ZCCHC2: variants seen among roughly 807,000 people sequenced by gnomAD.
The protein encoded by ZCCHC2 is zinc finger CCHC domain-containing protein 2.
Under a neutral mutation model 103.6 loss-of-function variants are expected in ZCCHC2, and 39 were observed. The ratio of observed to expected loss-of-function variants is 0.38; its 90% CI spans 0.29 to 0.49. ZCCHC2 has a LOEUF of 0.49. Among genes scored for constraint, ZCCHC2 ranks in the 20% least tolerant of loss-of-function variants. ZCCHC2 has a pLI of 0.96. For synonymous variants in ZCCHC2, 687 were observed against 608.9 expected (o/e 1.13, Z -1.89); for missense variants, 1,483 against 1,491.0 (o/e 0.99, Z 0.09).
At chr18:62,550,110 G>A (rs182722097) in intron 4 of ZCCHC2, among the ~76,000 whole-genome samples, 1 of 152,294 alleles carries the variant, frequency 6.6e-6, no homozygotes, top group Admixed American at 6.5e-5. Context: ...TGAATGCTGT[G>A]GGTCGCCCTG....
At chr18:62,565,150 ATACT>A (rs57164502) in intron 11 of ZCCHC2, 54 bp downstream of exon 11, 238,202 of 1,283,724 alleles carry the variant, frequency 0.19, 26,161 homozygotes, top group Non-Finnish European at 0.22. Context: ...ATTCAGCATG[ATACT>A]TACTGTATTA....
chr18:62,537,312 C>T (rs775676223), intron 1 of ZCCHC2, among the ~76,000 whole-genome samples: 2 of 151,984 alleles, frequency 1.3e-5, no homozygotes, highest in African/African-American at 2.4e-5. Flanking sequence ...ACTACAGGCA[C>T]ATACCACCAC....
Position 62,524,112 on chromosome 18 carries a change from G to C in ZCCHC2, c.688G>C (p.Asp230His), listed in dbSNP as rs1478640874. ...ERGEDGDGEQ[D>H]AEKDGSGPEG... is the part of the protein sequence containing the mutation. ...CGGCGAGGACGGCGACGGCGAGCAG[G>C]ACGCCGAGAAGGACGGCTCAGGCCC... The change falls in exon 1 of 14, where the codon GAC becomes CAC. Residue 230 changes from aspartate to histidine, a missense_variant. By Grantham distance (81) the Asp-to-His change is moderately conservative. Coordinates refer to ENST00000269499, the MANE Select transcript of ZCCHC2 (RefSeq NM_017742.6). The C allele has an allele frequency of 1.3e-6, 2 of 1,525,700 alleles. No individual in the cohort carries two copies. Among genetic ancestry groups the C allele is most frequent in the Admixed American group, 2.0e-5 (1 of 48,968 alleles). The allele number at this position is 1,525,700 out of a possible 1,614,324, so 94.5% of individuals were successfully genotyped here.
intron 2 of ZCCHC2, among the ~76,000 whole-genome samples, chr18:62,540,885 T>C (rs992346697): frequency 1.3e-5 from 2 of 152,216 alleles, no homozygotes; most frequent in Non-Finnish European, 2.9e-5. Flanking sequence ...ACCTTGATTC[T>C]GGTAGCCAAC....
intron 2 of ZCCHC2, among the ~76,000 whole-genome samples, chr18:62,541,487 T>TC (rs1363462160): frequency 6.6e-6 from 1 of 152,168 alleles, no homozygotes; most frequent in Non-Finnish European, 1.5e-5. Flanking sequence ...TTTAACTTCT[T>TC]CCTCTAAGGC....
In ZCCHC2 at chr18:62,524,036, C is replaced by T. The variant is rs967879118; in HGVS notation, c.612C>T (p.Ser204=). 6.3e-5 allele frequency: 92 copies of T among 1,466,920 alleles called. No individual in the cohort carries two copies. The highest frequency in any genetic ancestry group is 9.7e-5 in the South Asian group (7 of 72,282). The allele number at this position is 1,466,920 out of a possible 1,614,324, so 90.9% of individuals were successfully genotyped here. A position where few individuals can be genotyped will look rare whatever the true frequency, so the allele number is the denominator to read the frequency against. The change falls in exon 1 of 14, where the codon AGC becomes AGT. Residue 204 remains serine, a synonymous_variant. Coordinates refer to ENST00000269499, the MANE Select transcript of ZCCHC2 (RefSeq NM_017742.6). ...LLPQVDSVLK[S]LRAARGEGSR... is the part of the protein sequence containing the mutation. ...CCCAGGTGGACTCGGTGCTCAAAAG[C>T]CTGCGCGCGGCCCGGGGCGAGGGCT...
At position 62,523,757 on chromosome 18, in the gene ZCCHC2, C is replaced by T. The variant is rs1598919757; in HGVS notation, c.333C>T (p.Arg111=). The change falls in exon 1 of 14, where the codon CGC becomes CGT. Residue 111 remains arginine, a synonymous_variant. Transcript: ENST00000269499. ...WFGLVLGSAQ[R]LEFMCGLLDL... ...GGCTGGTGCTGGGCTCGGCGCAGCG[C>T]CTGGAGTTCATGTGCGGGCTGCTGG... The T allele has an allele frequency of 1.0e-5, 16 of 1,532,278 alleles. No individual in the cohort carries two copies. Among genetic ancestry groups the T allele is most frequent in the African/African-American group, 2.8e-5 (2 of 72,024 alleles). 94.9% of individuals were successfully genotyped at this position (1,532,278 alleles called of 1,614,324 possible).
At position 62,576,578 on chromosome 18, in the gene ZCCHC2, G is replaced by A. The variant is rs772313792; in HGVS notation, c.3536G>A (p.Ter1179=). The change falls in exon 14 of 14, where the codon TGA becomes TAA. Residue 1179 remains the stop codon, a stop_retained_variant. Transcript: ENST00000269499. ...PSNDTLDSAD[*] ...AATGATACGTTGGATTCTGCAGACTGAAACGAGTAAAGCTTGCCTACTTAA... is the reference window on the plus strand; with the variant it reads ...AATGATACGTTGGATTCTGCAGACTAAAACGAGTAAAGCTTGCCTACTTAA... 6.2e-7 allele frequency: 1 copy of A among 1,613,420 alleles called. No individual in the cohort carries two copies. The highest frequency in any genetic ancestry group is 1.3e-5 in the African/African-American group (1 of 74,916).
intron 7 of ZCCHC2, among the ~76,000 whole-genome samples, chr18:62,559,912 C>T (rs1916045684): frequency 6.6e-6 from 1 of 152,144 alleles, no homozygotes; most frequent in African/African-American, 2.4e-5. Flanking sequence ...CAACTATTTG[C>T]ATAGCATTTA....
chr18:62,533,824 A>G, intron 1 of ZCCHC2, among the ~76,000 whole-genome samples: 1 of 140,622 alleles, frequency 7.1e-6, no homozygotes, highest in Admixed American at 7.6e-5. Context: ...GTGACCCGAT[A>G]TGGTGACATT....
At chr18:62,532,513 C>T (rs1286980260) in intron 1 of ZCCHC2, among the ~76,000 whole-genome samples, 2 of 152,182 alleles carry the variant, frequency 1.3e-5, no homozygotes, top group Admixed American at 1.3e-4. Context: ...GACTGATGGA[C>T]CCTGGCCTCT....
rs376639243 is a variant in ZCCHC2 at position 62,576,561 on chromosome 18, G to A, written c.3519G>A (p.Thr1173=). The A allele has an allele frequency of 1.2e-6, 2 of 1,613,520 alleles. No homozygotes were observed. The highest frequency in any genetic ancestry group is 1.3e-5 in the African/African-American group (1 of 74,872). The change falls in exon 14 of 14, where the codon ACG becomes ACA. Residue 1173 remains threonine (T), a synonymous_variant. Transcript: ENST00000269499. ...YAPPLPPSND[T]LDSAD ...CTCCCCTCCCCCCTTCTAATGATACGTTGGATTCTGCAGACTGAAACGAGT... is the reference window on the plus strand; with the variant it reads ...CTCCCCTCCCCCCTTCTAATGATACATTGGATTCTGCAGACTGAAACGAGT...
chr18:62,544,855 A>G lies in ZCCHC2; in HGVS notation c.1182A>G (p.Leu394=), dbSNP rs1422281773. Residue 394 remains leucine, a synonymous_variant, in exon 4 of 14, where the codon CTA becomes CTG. Coordinates refer to ENST00000269499, the MANE Select transcript of ZCCHC2 (RefSeq NM_017742.6). The stretch of plus-strand genomic sequence containing the variant: ...CAGTAACAAAAACCCACCAAGAACT[A>G]CAGGAATTTCTACTGAAGGTAAAAT... ...VTTVTKTHQE[L]QEFLLKLPKE... 6.5e-6 allele frequency: 10 copies of G among 1,542,524 alleles called. No homozygotes were observed. Among genetic ancestry groups the G allele is most frequent in the Admixed American group, 2.1e-5 (1 of 46,852 alleles).
chr18:62,523,514 C>A lies in ZCCHC2; in HGVS notation c.90C>A (p.Gly30=). Residue 30 remains glycine, a synonymous_variant, in exon 1 of 14, where the codon GGC becomes GGA. Coordinates refer to ENST00000269499, the MANE Select transcript of ZCCHC2 (RefSeq NM_017742.6). ...AEEPEADARP[G]AKAPSRRRRD... ...AGCCCGAGGCGGACGCGCGGCCGGG[C>A]GCGAAGGCGCCTTCGCGCCGCCGCC... The A allele has an allele frequency of 1.0e-6, 1 of 958,204 alleles. No homozygotes were observed. Among genetic ancestry groups the A allele is most frequent in the Non-Finnish European group, 1.2e-6 (1 of 809,618 alleles). The allele number at this position is 958,204 out of a possible 1,614,324, so 59.4% of individuals were successfully genotyped here. A position where few individuals can be genotyped will look rare whatever the true frequency, so the allele number is the denominator to read the frequency against.
intron 9 of ZCCHC2, among the ~76,000 whole-genome samples, chr18:62,563,805 G>C (rs7241624): frequency 6.6e-6 from 1 of 152,028 alleles, no homozygotes; most frequent in Non-Finnish European, 1.5e-5. Flanking sequence ...ATTTGTGATA[G>C]AAATTTTCCA....
In ZCCHC2 at chr18:62,575,105, C is replaced by T. The variant is rs1916775548; in HGVS notation, c.3024C>T (p.Gly1008=). Residue 1008 remains glycine (G), a synonymous_variant, in exon 13 of 14, where the codon GGC becomes GGT. Coordinates refer to ENST00000269499, the MANE Select transcript of ZCCHC2 (RefSeq NM_017742.6). ...NGTVVPPQQM[G]SGPCGSCGRR... ...CAGTAGTGCCACCGCAGCAGATGGG[C>T]TCAGGTCCTTGTGGTTCTTGTGGGC... The T allele has an allele frequency of 6.2e-7, 1 of 1,614,020 alleles. No homozygotes were observed. The highest frequency in any genetic ancestry group is 8.5e-7 in the Non-Finnish European group (1 of 1,179,882).
chr18:62,565,145 G>A, intron 11 of ZCCHC2, 49 bp downstream of exon 11: 1 of 1,332,888 alleles, frequency 7.5e-7, no homozygotes, highest in Middle Eastern at 1.8e-4. Flanking sequence ...AATATATTCA[G>A]CATGATACTT....
At chr18:62,528,930 CAGGTGGATCACCTGAGGTCAGGAGTTAG>C (rs1914561162) in intron 1 of ZCCHC2, among the ~76,000 whole-genome samples, 3 of 152,022 alleles carry the variant, frequency 2.0e-5, no homozygotes, top group African/African-American at 7.2e-5. Flanking sequence ...AAAGCCAAGG[CAGGTGGATCACCTGAGGTCAGGAGTTAG>C]AGACCAGCCT....
At chr18:62,582,427 C>T (rs997110716), downstream of ZCCHC2, among the ~76,000 whole-genome samples, 1 of 152,156 alleles carries the variant, frequency 6.6e-6, no homozygotes. Context: ...CCTGTAATCA[C>T]AACACTTTGG....
Sources: gnomAD v4.1 joint callset for allele counts (sites outside exome capture counted in the v4.1 genomes callset) on GRCh38, gnomAD v4.1.1 for gene constraint, MANE v1.5 for transcripts, NCBI Gene and HGNC (gene_info 2026-07-23, HGNC 2026-07-21) for gene names.